The following SND1 variants were observed in gnomAD, a reference collection of about 807,000 sequenced individuals.
SND1 encodes staphylococcal nuclease domain-containing protein 1.
A neutral mutation model predicts 121.7 loss-of-function variants in SND1; 38 were observed. The ratio of observed to expected loss-of-function variants is 0.31; its 90% CI spans 0.24 to 0.41. The LOEUF is 0.41. Among genes scored for constraint, SND1 ranks in the 10% least tolerant of loss-of-function variants. The pLI, the probability that SND1 is intolerant of heterozygous loss-of-function variation, is 1.00. For synonymous variants in SND1, 401 were observed against 447.4 expected (o/e 0.90, Z 1.31); for missense variants, 868 against 1,184.6 (o/e 0.73, Z 3.92).
At chr7:127,877,973 C>T (rs750018074) in intron 12 of SND1, among the ~76,000 whole-genome samples, 2 of 152,138 alleles carry the variant, frequency 1.3e-5, no homozygotes, top group South Asian at 2.1e-4. Context: ...TTTTTCTCCC[C>T]GTTCTCTCTC....
chr7:128,084,713 C>T lies in SND1; in HGVS notation c.2111-11C>T. The T allele has an allele frequency of 6.2e-7, 1 of 1,602,760 alleles. No homozygotes were observed. The highest frequency in any genetic ancestry group is 8.5e-7 in the Non-Finnish European group (1 of 1,172,628). On this transcript the variant is annotated splice_polypyrimidine_tract_variant and intron_variant, in intron 18 of 23. Transcript: ENST00000354725. ...GCACCCAGGTCTCACTGTGCTCTTC[C>T]TCCCTGGCAGGCACCCAGTTGGAGA...
intron 13 of SND1, among the ~76,000 whole-genome samples, chr7:127,901,582 G>C (rs1211275057): frequency 1.3e-5 from 2 of 152,138 alleles, no homozygotes; most frequent in African/African-American, 4.8e-5. Flanking sequence ...CCACTTTGCA[G>C]CCTGGGTCTA....
intron 11 of SND1, among the ~76,000 whole-genome samples, chr7:127,833,035 A>G (rs557793725): frequency 6.6e-6 from 1 of 152,266 alleles, no homozygotes; most frequent in Non-Finnish European, 1.5e-5. Context: ...CCTGGTGCCA[A>G]AAGGGTTGGG....
chr7:128,049,417 G>C (rs903624672), intron 16 of SND1, among the ~76,000 whole-genome samples: 2 of 151,952 alleles, frequency 1.3e-5, no homozygotes, highest in Admixed American at 6.5e-5. Context: ...TCCCTCCAAG[G>C]CCTCCCGACA....
chr7:127,834,384 A>G lies in SND1; in HGVS notation c.1243-9940A>G, dbSNP rs138203148. 9.7e-4 allele frequency among the ~76,000 whole-genome samples: 148 copies of G among 152,298 alleles called. 4 individuals carry two copies. The East Asian group carries it at 0.027, about 27-fold the overall frequency. On this transcript the variant is annotated intron_variant, in intron 11 of 23. Transcript: ENST00000354725. Reference sequence around the variant, plus strand: ...CCACTGGTAACTGCCCAGTTTGTGAATGTGTGTAATTGTAGGCCAAGGAGT... The same window carrying G: ...CCACTGGTAACTGCCCAGTTTGTGAGTGTGTGTAATTGTAGGCCAAGGAGT...
intron 11 of SND1, among the ~76,000 whole-genome samples, chr7:127,821,676 T>C (rs189856235): frequency 6.6e-6 from 1 of 151,318 alleles, no homozygotes; most frequent in Admixed American, 6.6e-5. Context: ...GTAACATAAC[T>C]TGTTCTTTAC....
chr7:127,691,847 C>T (rs35176520), intron 2 of SND1, among the ~76,000 whole-genome samples: 51,607 of 149,302 alleles, frequency 0.35, 9,533 homozygotes, highest in Admixed American at 0.43. Flanking sequence ...CAGGCTGGTC[C>T]TGAACACCTG....
rs934598191 is a variant in SND1 at position 127,663,831 on chromosome 7, A to C, written c.78+11380A>C. ...TGACTAAGGAAATTTTTGACTTCCT[A>C]AAGTGCAGATAGACAGGTGGAGGTG... is the stretch of plus-strand genomic sequence containing the variant. On this transcript the variant is annotated intron_variant, in intron 1 of 23. Transcript: ENST00000354725. 2.0e-5 allele frequency among the ~76,000 whole-genome samples: 3 copies of C among 152,198 alleles called. No individual in the cohort carries two copies. In the East Asian group the frequency reaches 5.8e-4, roughly 29 times the overall value.
At chr7:127,884,445 C>T (rs1773203785) in intron 12 of SND1, among the ~76,000 whole-genome samples, 1 of 152,160 alleles carries the variant, frequency 6.6e-6, no homozygotes, top group Non-Finnish European at 1.5e-5. Flanking sequence ...TCAGCCAAGG[C>T]TATGCTTCCC....
chr7:127,838,629 T>G (rs1798909219), intron 11 of SND1, among the ~76,000 whole-genome samples: 1 of 152,222 alleles, frequency 6.6e-6, no homozygotes, highest in Non-Finnish European at 1.5e-5. Flanking sequence ...TAGTGTATCA[T>G]TCTTTAAAAT....
chr7:127,698,753 C>A, intron 3 of SND1, 122 bp from the exon 4 acceptor site: 1 of 756,702 alleles, frequency 1.3e-6, no homozygotes, highest in Non-Finnish European at 2.3e-6. Context: ...GCTGCTGTGT[C>A]CATTTCTCTG....
intron 10 of SND1, among the ~76,000 whole-genome samples, chr7:127,745,266 GT>G (rs1796960648): frequency 6.6e-6 from 1 of 152,164 alleles, no homozygotes; most frequent in African/African-American, 2.4e-5. Context: ...TGTACAGCAT[GT>G]TGCAGTGCTG....
At chr7:127,928,773 T>C (rs1800901866) in intron 14 of SND1, among the ~76,000 whole-genome samples, 1 of 152,058 alleles carries the variant, frequency 6.6e-6, no homozygotes, top group Non-Finnish European at 1.5e-5. Context: ...CTATTTTTAG[T>C]AGAGACAGGG....
intron 11 of SND1, among the ~76,000 whole-genome samples, chr7:127,823,896 T>G (rs1434769552): frequency 3.9e-5 from 6 of 152,240 alleles, no homozygotes; most frequent in Admixed American, 2.0e-4. Context: ...TTGTTTAAAG[T>G]GACCTTGATA....
intron 16 of SND1, among the ~76,000 whole-genome samples, chr7:128,057,768 A>G (rs1368998111): frequency 1.3e-5 from 2 of 152,166 alleles, no homozygotes; most frequent in Admixed American, 1.3e-4. Flanking sequence ...CAGAAAAAGG[A>G]GAGAATGGAG....
At chr7:128,063,028 G>T (rs1467210681) in intron 16 of SND1, among the ~76,000 whole-genome samples, 1 of 152,154 alleles carries the variant, frequency 6.6e-6, no homozygotes. Flanking sequence ...AGGGCTTCAC[G>T]CTAGACAGTG....
At chr7:127,652,829 C>G (rs1795145904) in intron 1 of SND1, among the ~76,000 whole-genome samples, 1 of 152,194 alleles carries the variant, frequency 6.6e-6, no homozygotes, top group Non-Finnish European at 1.5e-5. Context: ...TTTCGAGATC[C>G]TGACATCGGC....
chr7:127,777,774 C>T (rs189891362), intron 10 of SND1, among the ~76,000 whole-genome samples: 1,803 of 152,120 alleles, frequency 0.012, 134 homozygotes, highest in Admixed American at 0.1. Flanking sequence ...CTCCTGGGTT[C>T]GAGCAATTTT....
At chr7:127,821,699 G>T (rs1584598166) in intron 11 of SND1, among the ~76,000 whole-genome samples, 1 of 125,268 alleles carries the variant, frequency 8.0e-6, no homozygotes, top group Admixed American at 7.9e-5. Flanking sequence ...TTTAAAAATA[G>T]ATGTAGAAAG....
Sources: allele counts gnomAD v4.1 joint callset (sites outside exome capture counted in the v4.1 genomes callset), GRCh38; gene constraint gnomAD v4.1.1; transcripts MANE v1.5; gene names NCBI Gene and HGNC (gene_info 2026-07-23, HGNC 2026-07-21).